The following ATP8A1 variants were observed in gnomAD, a reference collection of about 807,000 sequenced individuals.
ATP8A1 encodes phospholipid-transporting ATPase IA.
A neutral mutation model predicts 177.7 loss-of-function variants in ATP8A1; 90 were observed. The ratio of observed to expected loss-of-function variants is 0.51; its 90% CI spans 0.43 to 0.60. The LOEUF is 0.60. ATP8A1 is among the 20% of genes least tolerant of loss of function. The pLI, the probability that ATP8A1 is intolerant of heterozygous loss-of-function variation, is 0.00. For missense variants in ATP8A1, 1,072 were observed against 1,392.8 expected, an observed-to-expected ratio of 0.77 and a Z score of 3.67; for synonymous variants, 493 against 485.9, an observed-to-expected ratio of 1.01 and a Z score of -0.19.
At chr4:42,630,092 T>A (rs1738565908) in intron 1 of ATP8A1, among the ~76,000 whole-genome samples, 1 of 152,254 alleles carries the variant, frequency 6.6e-6, no homozygotes. Flanking sequence ...TTCATTTTTT[T>A]ATTTCCTCTG....
At chr4:42,590,466 T>A (rs1734054402) in intron 7 of ATP8A1, among the ~76,000 whole-genome samples, 1 of 152,174 alleles carries the variant, frequency 6.6e-6, no homozygotes, top group African/African-American at 2.4e-5. Context: ...CAAAATAATA[T>A]CCCGGAGAGA....
At chr4:42,512,164 G>A (rs181654857) in intron 22 of ATP8A1, among the ~76,000 whole-genome samples, 1 of 152,304 alleles carries the variant, frequency 6.6e-6, no homozygotes, top group East Asian at 1.9e-4. Flanking sequence ...AACTAGAGGT[G>A]CAGCTAAGCT....
At chr4:42,445,657 T>C (rs1432692742) in intron 31 of ATP8A1, among the ~76,000 whole-genome samples, 1 of 152,206 alleles carries the variant, frequency 6.6e-6, no homozygotes, top group Non-Finnish European at 1.5e-5. Context: ...CCCAGTGGGG[T>C]TGTAAAGTCA....
At chr4:42,538,593 T>G (rs1728067696) in intron 20 of ATP8A1, among the ~76,000 whole-genome samples, 1 of 152,022 alleles carries the variant, frequency 6.6e-6, no homozygotes. Context: ...AAAAGTGGGC[T>G]AAGGACATGA....
At chr4:42,503,356 G>A in intron 24 of ATP8A1, 94 bp downstream of exon 24, 1 of 741,374 alleles carries the variant, frequency 1.3e-6, no homozygotes, top group Admixed American at 3.0e-5. Flanking sequence ...TTGAACCACA[G>A]AAAGATAAAA....
At position 42,524,794 on chromosome 4, in the gene ATP8A1, G is replaced by A; in HGVS notation, c.1776C>T (p.Thr592=). ...TAGCAAACTGCTCTAAATGTTTTAGGGTAATTTCTTTGTATTTTGACGTCT... is the reference window on the plus strand; with the variant it reads ...TAGCAAACTGCTCTAAATGTTTTAGAGTAATTTCTTTGTATTTTGACGTCT... ...LAETSKYKEI[T]LKHLEQFATE... is the part of the protein sequence containing the mutation. Residue 592 remains threonine (T), a synonymous_variant, in exon 21 of 37, where the codon ACC becomes ACT. Transcript: ENST00000381668. The A allele has an allele frequency of 6.2e-7, 1 of 1,608,752 alleles. No individual in the cohort carries two copies. Among genetic ancestry groups the A allele is most frequent in the East Asian group, 2.2e-5 (1 of 44,678 alleles).
At chr4:42,422,703 A>T in intron 35 of ATP8A1, 104 bp downstream of exon 35, 1 of 870,488 alleles carries the variant, frequency 1.1e-6, no homozygotes, top group Non-Finnish European at 1.8e-6. Context: ...TGACACTGCC[A>T]GCTTGATGCT....
intron 7 of ATP8A1, among the ~76,000 whole-genome samples, chr4:42,589,278 G>C (rs1033652481): frequency 1.3e-5 from 2 of 152,058 alleles, no homozygotes; most frequent in African/African-American, 4.8e-5. Context: ...TATATAATAG[G>C]CTTAATTTAC....
chr4:42,465,268 A>G (rs1326639419), intron 25 of ATP8A1, among the ~76,000 whole-genome samples, 192 bp from the exon 26 acceptor site: 1 of 152,240 alleles, frequency 6.6e-6, no homozygotes, highest in East Asian at 1.9e-4. Context: ...AATTAAAATA[A>G]ATAAAAACAA....
chr4:42,439,937 A>G (rs1378946164), intron 33 of ATP8A1, among the ~76,000 whole-genome samples: 1 of 152,202 alleles, frequency 6.6e-6, no homozygotes, highest in Admixed American at 6.5e-5. Flanking sequence ...CTCTGCCACT[A>G]TGAGTCAGAT....
At chr4:42,502,045 C>T (rs1356815851) in intron 24 of ATP8A1, among the ~76,000 whole-genome samples, 1 of 149,018 alleles carries the variant, frequency 6.7e-6, no homozygotes, top group Non-Finnish European at 1.5e-5. Flanking sequence ...AACTGATATA[C>T]TTTTTTTTTT....
chr4:42,636,466 G>C (rs1202799667), intron 1 of ATP8A1, among the ~76,000 whole-genome samples: 1 of 151,928 alleles, frequency 6.6e-6, no homozygotes, highest in Non-Finnish European at 1.5e-5. Flanking sequence ...CAATAAACTG[G>C]GTGCTTCAAA....
In ATP8A1 at chr4:42,497,234, A is replaced by C. The variant is rs182820364; in HGVS notation, c.2151+6216T>G. Among the ~76,000 whole-genome samples, 3 of 152,336 alleles carry C rather than the reference A, an allele frequency of 2.0e-5. No homozygotes were observed. The East Asian group carries it at 5.8e-4, about 29-fold the overall frequency. On this transcript the variant is annotated intron_variant, in intron 24 of 36. Coordinates refer to ENST00000381668, the MANE Select transcript of ATP8A1 (RefSeq NM_006095.2). Reference sequence around the variant, plus strand: ...CTAGACATGGGAACTCAAAGTCTCTATCTGGAACTGAGACAAACACCACCA... The same window carrying C: ...CTAGACATGGGAACTCAAAGTCTCTCTCTGGAACTGAGACAAACACCACCA...
intron 13 of ATP8A1, 58 bp downstream of exon 13, chr4:42,575,564 T>TA: frequency 7.0e-7 from 1 of 1,437,816 alleles, no homozygotes; most frequent in Non-Finnish European, 9.8e-7. Flanking sequence ...ATATGGCAGA[T>TA]ACCACACCAA....
rs1728629263 is a variant in ATP8A1 at position 42,543,802 on chromosome 4, G to C, written c.1722+115C>G. 2.4e-5 allele frequency: 16 copies of C among 676,260 alleles called. No individual in the cohort carries two copies. The South Asian group carries it at 3.3e-4, about 14-fold the overall frequency. 41.9% of individuals were successfully genotyped at this position (676,260 alleles called of 1,614,324 possible). On this transcript the variant is annotated intron_variant, in intron 20 of 36. Coordinates refer to ENST00000381668, the MANE Select transcript of ATP8A1 (RefSeq NM_006095.2). Reference sequence around the variant, plus strand: ...CTATTACTATAAAACACCAACAAAAGTGGATGTCAGCAACTTCATGTTAAA... The same window carrying C: ...CTATTACTATAAAACACCAACAAAACTGGATGTCAGCAACTTCATGTTAAA...
intron 1 of ATP8A1, among the ~76,000 whole-genome samples, chr4:42,654,784 C>CAACCAT (rs1741458518): frequency 6.6e-6 from 1 of 152,194 alleles, no homozygotes; most frequent in Non-Finnish European, 1.5e-5. Context: ...GGTCAGGAGC[C>CAACCAT]AACCATAGTC....
chr4:42,480,577 T>C lies in ATP8A1; in HGVS notation c.2324+4919A>G, dbSNP rs138288417. On this transcript the variant is annotated intron_variant, in intron 25 of 36. Transcript: ENST00000381668. ...TTGTGCTTTATGACTACTTTTTAAG[T>C]AGAACATATATTTAGAGAAATTCTT... Among the ~76,000 whole-genome samples the C allele has an allele frequency of 2.3e-3, 351 of 152,318 alleles. 3 individuals carry two copies. Among genetic ancestry groups the C allele is most frequent in the Non-Finnish European group, 2.2e-3 (151 of 68,026 alleles).
rs1366242386 is a variant in ATP8A1 at position 42,551,198 on chromosome 4, T to C, written c.1602A>G (p.Ser534=). ...GRTPDSVIID[S]LGQEERYELL... ...AGAACCTTAAAAACAACTAACTTAC[T>C]GAATCTATAATCACCGAGTCGGGTG... The change falls in exon 18 of 37, where the codon TCA becomes TCG. Residue 534 remains serine (S), a splice_region_variant and synonymous_variant. Transcript: ENST00000381668. 2 of 1,611,802 alleles carry C rather than the reference T, an allele frequency of 1.2e-6. No homozygotes were observed. The highest frequency in any genetic ancestry group is 2.2e-5 in the East Asian group (1 of 44,826).
At chr4:42,603,982 C>G (rs1226674162) in intron 5 of ATP8A1, among the ~76,000 whole-genome samples, 2 of 152,204 alleles carry the variant, frequency 1.3e-5, no homozygotes, top group Non-Finnish European at 1.5e-5. Context: ...AAAACATCTA[C>G]AAGGCCTTTT....
Sources: gnomAD v4.1 joint callset for allele counts (sites outside exome capture counted in the v4.1 genomes callset) on GRCh38, gnomAD v4.1.1 for gene constraint, MANE v1.5 for transcripts, NCBI Gene and HGNC (gene_info 2026-07-23, HGNC 2026-07-21) for gene names.